The following ODAD4 variants were observed in gnomAD, a reference collection of about 807,000 sequenced individuals.
ODAD4 encodes outer dynein arm-docking complex subunit 4.
In ODAD4, 49 loss-of-function variants were observed where a neutral mutation model predicts 51.8. That is an observed-to-expected ratio of 0.95 (90% confidence interval 0.75 to 1.20). The LOEUF (loss-of-function observed/expected upper bound fraction) is 1.20. Ranked by LOEUF, ODAD4 falls within the 50% of genes most tolerant of loss-of-function variation. The pLI, the probability that ODAD4 is intolerant of heterozygous loss-of-function variation, is 0.00. For synonymous variants in ODAD4, 235 were observed against 221.3 expected (o/e 1.06, Z -0.55); for missense variants, 590 against 586.5 (o/e 1.01, Z -0.06).
In ODAD4 at chr17:41,963,948, G is replaced by T. The variant is rs1451027395; in HGVS notation, c.1529-1045G>T. Among the ~76,000 whole-genome samples, 55 of 151,438 alleles carry T rather than the reference G, an allele frequency of 3.6e-4. 1 individual carries two copies. The highest frequency in any genetic ancestry group is 6.3e-4 in the Non-Finnish European group (43 of 67,908). ...TCTCCCCTCTGTTACCCAGTCTGGA[G>T]TGCAGTGGCGCGATCTCGGCTCACT... On this transcript the variant is annotated intron_variant, in intron 11 of 11. Transcript: ENST00000377540.
Position 41,944,444 on chromosome 17 carries a change from A to ACACAC in ODAD4, c.1059-691_1059-690insACACC, listed in dbSNP as rs1191101800. On this transcript the variant is annotated intron_variant, in intron 7 of 11. Transcript: ENST00000377540. ...CACACACACACACACACACACACAC[A>ACACAC]CCCCCCCGCATACACAGAAATTGCC... 8.0e-3 allele frequency among the ~76,000 whole-genome samples: 156 copies of ACACAC among 19,530 alleles called. 2 individuals are homozygous for ACACAC. The highest frequency in any genetic ancestry group is 0.026 in the East Asian group (8 of 308). The allele number at this position is 19,530 out of a possible 152,430, so 12.8% of individuals were successfully genotyped here.
chr17:41,964,624 A>G (rs1272500117), intron 11 of ODAD4, among the ~76,000 whole-genome samples: 1 of 152,098 alleles, frequency 6.6e-6, no homozygotes, highest in African/African-American at 2.4e-5. Flanking sequence ...CTCCACAGAG[A>G]TGAACAGTTT....
At chr17:41,935,843 C>A (rs1276627974) in intron 3 of ODAD4, 94 bp downstream of exon 3, 3 of 1,459,340 alleles carry the variant, frequency 2.1e-6, no homozygotes, top group Admixed American at 3.9e-5. Context: ...GAGCAGCCAC[C>A]ACCAGGCCCG....
intron 8 of ODAD4, among the ~76,000 whole-genome samples, chr17:41,947,146 G>A (rs982542920): frequency 2.0e-5 from 3 of 150,996 alleles, no homozygotes; most frequent in African/African-American, 7.3e-5. Flanking sequence ...CACTGTGCCC[G>A]GGTGTGCATT....
chr17:41,956,390 T>C (rs1335640346), intron 10 of ODAD4, among the ~76,000 whole-genome samples: 2 of 151,604 alleles, frequency 1.3e-5, no homozygotes, highest in African/African-American at 4.8e-5. Flanking sequence ...TTAGCCATGT[T>C]GGCCAGGCTG....
rs1251604033 is a variant in ODAD4, at chr17:41,964,286, C to T, written c.1529-707C>T. On this transcript the variant is annotated intron_variant, in intron 11 of 11. Coordinates refer to ENST00000377540, the MANE Select transcript of ODAD4 (RefSeq NM_031421.5). ...TTGTTGGCCAGGCTGGTCTCAAACT[C>T]CTGACCTCAGGTGATCCACCTGCCT... is the stretch of plus-strand genomic sequence containing the variant. Among the ~76,000 whole-genome samples the T allele has an allele frequency of 4.6e-5, 7 of 151,666 alleles. No individual in the cohort carries two copies. The South Asian group carries it at 1.0e-3, about 23-fold the overall frequency.
rs1268277947 is a variant in ODAD4, at chr17:41,947,237, G to A, written c.1146-1916G>A. Reference sequence around the variant, plus strand: ...GCCTGTAATCCCAGCACTTTGGGAGGCAGAGGCGAGCGGATCACAAGGTCA... The same window carrying A: ...GCCTGTAATCCCAGCACTTTGGGAGACAGAGGCGAGCGGATCACAAGGTCA... On this transcript the variant is annotated intron_variant, in intron 8 of 11. Transcript: ENST00000377540. Among the ~76,000 whole-genome samples the A allele has an allele frequency of 3.0e-4, 46 of 151,146 alleles. 1 individual carries two copies. Among genetic ancestry groups the A allele is most frequent in the African/African-American group, 1.1e-3 (45 of 41,290 alleles).
At position 41,949,363 on chromosome 17, in the gene ODAD4, G is replaced by A; in HGVS notation, c.1342+14G>A. On this transcript the variant is annotated intron_variant, in intron 9 of 11. Transcript: ENST00000377540. ...CCCAGGCACAAGGTATGGGCTCAGA[G>A]ATGACCACCCTACCTTTTCCAGCCT... is the stretch of plus-strand genomic sequence containing the variant. 5 of 398,624 alleles carry A rather than the reference G, an allele frequency of 1.3e-5. No homozygotes were observed. The highest frequency in any genetic ancestry group is 2.2e-5 in the Non-Finnish European group (5 of 226,118). 24.7% of individuals were successfully genotyped at this position (398,624 alleles called of 1,614,324 possible).
At chr17:41,954,703 A>G (rs2050704568) in intron 9 of ODAD4, among the ~76,000 whole-genome samples, 1 of 151,946 alleles carries the variant, frequency 6.6e-6, no homozygotes. Flanking sequence ...AAACAAAATT[A>G]GCCAGGTGTG....
chr17:41,932,717 T>C (rs1555637123), intron 1 of ODAD4, among the ~76,000 whole-genome samples: 2 of 127,956 alleles, frequency 1.6e-5, no homozygotes, highest in African/African-American at 5.6e-5. Context: ...GCTAATTTTT[T>C]CTTTTCTTCT....
rs782257209 is a variant in ODAD4, at chr17:41,936,464, TC to T, written c.398-7del. Reference sequence around the variant, plus strand: ...TGGCCGACCTGAGCTCCAGCTTCTTTCCTTGCAGGTCCTTCTTCCATTAAGC... The same window carrying T: ...TGGCCGACCTGAGCTCCAGCTTCTTTCTTGCAGGTCCTTCTTCCATTAAGC... On this transcript the variant is annotated splice_polypyrimidine_tract_variant and splice_region_variant and intron_variant, in intron 3 of 11. Coordinates refer to ENST00000377540, the MANE Select transcript of ODAD4 (RefSeq NM_031421.5). The T allele has an allele frequency of 6.2e-7, 1 of 1,611,356 alleles. No individual in the cohort carries two copies. The highest frequency in any genetic ancestry group is 8.5e-7 in the Non-Finnish European group (1 of 1,178,226).
chr17:41,943,015 A>G (rs529538074), intron 7 of ODAD4, among the ~76,000 whole-genome samples: 1 of 152,196 alleles, frequency 6.6e-6, no homozygotes, highest in African/African-American at 2.4e-5. Flanking sequence ...GGCATGAACC[A>G]TTGTGCCCGC....
rs1045142158 is a variant in ODAD4 at position 41,939,181 on chromosome 17, C to G, written c.1058+9C>G. 3 of 1,610,680 alleles carry G rather than the reference C, an allele frequency of 1.9e-6. No homozygotes were observed. The African/African-American group carries it at 4.0e-5, about 22-fold the overall frequency. On this transcript the variant is annotated intron_variant, in intron 7 of 11. Transcript: ENST00000377540. ...GAGATCGCCAAGGAATAGTGAGTGCCCTAGGGGAGGCCACTGGCGTGAGCC... is the reference window on the plus strand; with the variant it reads ...GAGATCGCCAAGGAATAGTGAGTGCGCTAGGGGAGGCCACTGGCGTGAGCC...
chr17:41,944,994 C>G lies in ODAD4; in HGVS notation c.1059-142C>G. Reference sequence around the variant, plus strand: ...CCCCAGGGCACAGATGTGCCACATCCTTGCTGGGCTGGACATTGTCCCTCC... The same window carrying G: ...CCCCAGGGCACAGATGTGCCACATCGTTGCTGGGCTGGACATTGTCCCTCC... On this transcript the variant is annotated intron_variant, in intron 7 of 11. Transcript: ENST00000377540. The G allele has an allele frequency of 6.3e-6, 4 of 635,396 alleles. No individual in the cohort carries two copies. The South Asian group carries it at 8.2e-5, about 13-fold the overall frequency. 39.4% of individuals were successfully genotyped at this position (635,396 alleles called of 1,614,324 possible). A position where few individuals can be genotyped will look rare whatever the true frequency, so the allele number is the denominator to read the frequency against.
intron 10 of ODAD4, among the ~76,000 whole-genome samples, chr17:41,960,599 G>A (rs2050792767): frequency 6.6e-6 from 1 of 152,244 alleles, no homozygotes; most frequent in Non-Finnish European, 1.5e-5. Flanking sequence ...AGGTCACCTT[G>A]AAGGCTAGGC....
Position 41,965,778 on chromosome 17 carries a change from G to A in ODAD4, c.*295G>A. On this transcript the variant is annotated 3_prime_UTR_variant, in exon 12 of 12. Coordinates refer to ENST00000377540, the MANE Select transcript of ODAD4 (RefSeq NM_031421.5). ...AAGATACGGGCGCTACAGGGAACAAGAAGTCACAGGGAGGAGAGGGGAAGG... is the reference window on the plus strand; with the variant it reads ...AAGATACGGGCGCTACAGGGAACAAAAAGTCACAGGGAGGAGAGGGGAAGG... The A allele has an allele frequency of 3.1e-6, 1 of 325,332 alleles. No individual in the cohort carries two copies. 20.2% of individuals were successfully genotyped at this position (325,332 alleles called of 1,614,324 possible).
rs1207080318 is a variant in ODAD4, at chr17:41,961,471, G to C, written c.1528+5G>C. The stretch of plus-strand genomic sequence containing the variant: ...TCAAAGAAAAAAGCGAGGGAGGTGA[G>C]TTCCTGAAACTCTGAAAAGGCAACT... On this transcript the variant is annotated splice_donor_5th_base_variant and intron_variant, in intron 11 of 11. Transcript: ENST00000377540. 1.4e-6 allele frequency: 1 copy of C among 723,704 alleles called. No homozygotes were observed. The highest frequency in any genetic ancestry group is 1.7e-5 in the African/African-American group (1 of 57,408). The allele number at this position is 723,704 out of a possible 1,614,324, so 44.8% of individuals were successfully genotyped here.
rs782223368 is a variant in ODAD4, at chr17:41,945,232, C to T, written c.1145+10C>T. The T allele has an allele frequency of 6.2e-7, 1 of 1,603,600 alleles. No individual in the cohort carries two copies. The highest frequency in any genetic ancestry group is 1.1e-5 in the South Asian group (1 of 89,750). On this transcript the variant is annotated intron_variant, in intron 8 of 11. Transcript: ENST00000377540. ...AGCAAGCCATTGACACGTGAGTGAC[C>T]AAGAATTGCCTCTTCCCCACCTCCA...
Position 41,938,695 on chromosome 17 carries a change from T to A in ODAD4, c.764T>A (p.Met255Lys). ...GCCAGGGAGCGGGACCGGAAGCTGA[T>A]GCAAGAGAAATGGCTGCGGGACCAC... The part of the protein sequence containing the change: ...IYARERDRKL[M>K]QEKWLRDHKR... Residue 255 changes from methionine (M) to lysine (K), a missense_variant, in exon 6 of 12, where the codon ATG becomes AAG. This residue lies in a region of ODAD4 where 360 missense variants were observed against 407.5 expected (regional missense o/e 0.88). Coordinates refer to ENST00000377540, the MANE Select transcript of ODAD4 (RefSeq NM_031421.5). 1 of 1,613,916 alleles carries A rather than the reference T, an allele frequency of 6.2e-7. No individual in the cohort carries two copies. The highest frequency in any genetic ancestry group is 8.5e-7 in the Non-Finnish European group (1 of 1,179,886).
Sources: allele counts gnomAD v4.1 joint callset (sites outside exome capture counted in the v4.1 genomes callset), GRCh38; gene constraint gnomAD v4.1.1; regional missense constraint gnomAD v4.1.1; transcripts MANE v1.5; gene names NCBI Gene and HGNC (gene_info 2026-07-23, HGNC 2026-07-21).